Variants in LRP1B observed in about 807,000 individuals in gnomAD.
The protein encoded by LRP1B is LDL receptor related protein 1B.
Under a neutral mutation model 556.6 loss-of-function variants are expected in LRP1B, and 217 were observed. The ratio of observed to expected loss-of-function variants is 0.39; its 90% CI spans 0.35 to 0.44. The LOEUF (loss-of-function observed/expected upper bound fraction) is 0.44, where lower values mean the gene tolerates loss of function less well. Among genes scored for constraint, LRP1B ranks in the 20% least tolerant of loss-of-function variants. The pLI is 1.00. For missense variants in LRP1B, 5,053 were observed against 5,620.8 expected (o/e 0.90, Z 3.23); for synonymous variants, 2,047 against 1,865.8 (o/e 1.10, Z -2.50).
chr2:140,582,937 T>G (rs1466938500), intron 43 of LRP1B, among the ~76,000 whole-genome samples: 1 of 152,182 alleles, frequency 6.6e-6, no homozygotes, highest in Non-Finnish European at 1.5e-5. Flanking sequence ...TGGGGTGATT[T>G]GACCTTCTTT....
Position 140,818,936 on chromosome 2 carries a change from C to CAA in LRP1B, c.5210-5132_5210-5131dup, listed in dbSNP as rs543167243. Among the ~76,000 whole-genome samples the CAA allele has an allele frequency of 3.0e-3, 312 of 102,766 alleles. 2 individuals carry two copies. Among genetic ancestry groups the CAA allele is most frequent in the African/African-American group, 0.012 (279 of 23,282 alleles). The allele number at this position is 102,766 out of a possible 152,430, so 67.4% of individuals were successfully genotyped here. A position where few individuals can be genotyped will look rare whatever the true frequency, so the allele number is the denominator to read the frequency against. On this transcript the variant is annotated intron_variant, in intron 31 of 90. Transcript: ENST00000389484. ...TGGGCAACAGAGCGAGACTCTGTCT[C>CAA]AAAAAAAAAAAAAAAAAAAAAAAAG... is the stretch of plus-strand genomic sequence containing the variant.
chr2:141,702,492 T>C (rs1052087346), intron 2 of LRP1B, among the ~76,000 whole-genome samples: 1 of 151,830 alleles, frequency 6.6e-6, no homozygotes, highest in African/African-American at 2.4e-5. Flanking sequence ...AAACACTCTG[T>C]AAATCCAACA....
At chr2:142,005,144 G>A (rs933966190) in intron 1 of LRP1B, among the ~76,000 whole-genome samples, 42 of 148,654 alleles carry the variant, frequency 2.8e-4, no homozygotes, top group South Asian at 6.3e-4. Context: ...TATATGTACT[G>A]CATATTTAAT....
rs373562991 is a variant in LRP1B, at chr2:140,272,931, T to C, written c.13142+1493A>G. On this transcript the variant is annotated intron_variant, in intron 85 of 90. Transcript: ENST00000389484. Reference sequence around the variant, plus strand: ...ATCATTTAAAAAACACAAACTCTTATGTTGCACCTCAATAGCCTGCTCATT... The same window carrying C: ...ATCATTTAAAAAACACAAACTCTTACGTTGCACCTCAATAGCCTGCTCATT... Among the ~76,000 whole-genome samples, 40 of 152,098 alleles carry C rather than the reference T, an allele frequency of 2.6e-4. 1 individual carries two copies. Among genetic ancestry groups the C allele is most frequent in the Middle Eastern group, 6.8e-3 (2 of 294 alleles).
chr2:140,318,971 G>A (rs1224158090), intron 82 of LRP1B, among the ~76,000 whole-genome samples: 1 of 152,030 alleles, frequency 6.6e-6, no homozygotes, highest in Non-Finnish European at 1.5e-5. Flanking sequence ...TTGTTAATTT[G>A]ATGTTATATA....
intron 2 of LRP1B, among the ~76,000 whole-genome samples, chr2:141,613,226 C>G (rs917513051): frequency 6.6e-6 from 1 of 152,066 alleles, no homozygotes; most frequent in African/African-American, 2.4e-5. Flanking sequence ...TCTCCTTTCT[C>G]TCTGGTAAGT....
intron 1 of LRP1B, among the ~76,000 whole-genome samples, chr2:141,988,430 G>A (rs1702259936): frequency 6.6e-6 from 1 of 151,818 alleles, no homozygotes; most frequent in South Asian, 2.1e-4. Context: ...ATAAAAGTGA[G>A]CCCACTTATT....
At chr2:141,227,680 CATTTAAGTATATAAAATT>C (rs1363710724) in intron 6 of LRP1B, among the ~76,000 whole-genome samples, 1 of 152,074 alleles carries the variant, frequency 6.6e-6, no homozygotes, top group African/African-American at 2.4e-5. Context: ...ACACTTTGTT[CATTTAAGTATATAAAATT>C]ATACCTGTAT....
At chr2:140,766,734 T>C (rs1689117204) in intron 35 of LRP1B, among the ~76,000 whole-genome samples, 1 of 149,392 alleles carries the variant, frequency 6.7e-6, no homozygotes, top group South Asian at 2.1e-4. Context: ...GATAACTGAA[T>C]AGAAAACATA....
chr2:141,971,128 C>G (rs1036963008), intron 1 of LRP1B, among the ~76,000 whole-genome samples: 1 of 151,408 alleles, frequency 6.6e-6, no homozygotes, highest in Non-Finnish European at 1.5e-5. Flanking sequence ...GAGCATGGAG[C>G]AATACAATGC....
At chr2:141,021,626 A>T (rs1254894898) in intron 11 of LRP1B, among the ~76,000 whole-genome samples, 4 of 152,018 alleles carry the variant, frequency 2.6e-5, no homozygotes, top group African/African-American at 9.7e-5. Context: ...AAATTGAATT[A>T]CATGTGAAAT....
At chr2:141,935,612 A>G (rs780045103) in intron 1 of LRP1B, among the ~76,000 whole-genome samples, 2 of 152,192 alleles carry the variant, frequency 1.3e-5, no homozygotes, top group African/African-American at 2.4e-5. Context: ...TACTTGAAAT[A>G]TAGATGAAAA....
At chr2:141,024,799 C>T (rs962191141) in intron 11 of LRP1B, among the ~76,000 whole-genome samples, 15 of 151,914 alleles carry the variant, frequency 9.9e-5, no homozygotes, top group African/African-American at 3.4e-4. Flanking sequence ...CCCTTTACTT[C>T]GAAGTCCGCA....
chr2:141,953,131 T>C (rs1353104506), intron 1 of LRP1B, among the ~76,000 whole-genome samples: 1 of 152,054 alleles, frequency 6.6e-6, no homozygotes, highest in East Asian at 1.9e-4. Flanking sequence ...TGTGTACATA[T>C]CATTAGATGG....
chr2:141,319,614 T>C (rs1001152546), intron 3 of LRP1B, among the ~76,000 whole-genome samples: 1 of 152,202 alleles, frequency 6.6e-6, no homozygotes, highest in South Asian at 2.1e-4. Flanking sequence ...TAAGAAAGCA[T>C]ATTTTTATCA....
chr2:141,732,452 T>C (rs1693309938), intron 2 of LRP1B, among the ~76,000 whole-genome samples: 1 of 152,166 alleles, frequency 6.6e-6, no homozygotes, highest in African/African-American at 2.4e-5. Context: ...GGACAAATTT[T>C]CATCTGATTC....
intron 2 of LRP1B, among the ~76,000 whole-genome samples, chr2:141,527,355 TA>T (rs918410779): frequency 6.6e-5 from 10 of 151,192 alleles, no homozygotes; most frequent in South Asian, 2.1e-4. Context: ...ACATGATGTA[TA>T]AAAAAAACAT....
chr2:140,596,055 T>C (rs913273267), intron 43 of LRP1B, among the ~76,000 whole-genome samples: 1 of 152,130 alleles, frequency 6.6e-6, no homozygotes, highest in African/African-American at 2.4e-5. Context: ...TATCTAAACA[T>C]GAAAGTGAAA....
At chr2:140,628,741 T>C (rs1330904778) in intron 41 of LRP1B, among the ~76,000 whole-genome samples, 1 of 152,110 alleles carries the variant, frequency 6.6e-6, no homozygotes, top group Non-Finnish European at 1.5e-5. Context: ...CCAAATCTCA[T>C]GTCGAATTAT....
Sources: allele counts gnomAD v4.1 joint callset (sites outside exome capture counted in the v4.1 genomes callset), GRCh38; gene constraint gnomAD v4.1.1; transcripts MANE v1.5; gene names NCBI Gene and HGNC (gene_info 2026-07-23, HGNC 2026-07-21).